ADRA1A: variants seen among roughly 807,000 people sequenced by gnomAD.
ADRA1A encodes alpha-1A adrenergic receptor.
Under a neutral mutation model 29.6 loss-of-function variants are expected in ADRA1A, and 31 were observed. That is an observed-to-expected ratio of 1.05 (90% CI 0.79 to 1.41). The LOEUF (loss-of-function observed/expected upper bound fraction) is 1.41. ADRA1A is among the 40% of genes most tolerant of loss of function. The pLI, the probability that ADRA1A is intolerant of heterozygous loss-of-function variation, is 0.00. For missense variants in ADRA1A, 619 were observed against 601.1 expected (o/e 1.03, Z -0.31); for synonymous variants, 311 against 254.3 (o/e 1.22, Z -2.12).
At chr8:26,781,978 C>T (rs1315778360) in intron 2 of ADRA1A, among the ~76,000 whole-genome samples, 1 of 152,216 alleles carries the variant, frequency 6.6e-6, no homozygotes, top group East Asian at 1.9e-4. Flanking sequence ...TTTTTGCTTC[C>T]GGACTGCTGC....
intron 2 of ADRA1A, among the ~76,000 whole-genome samples, chr8:26,834,128 T>A: frequency 6.6e-6 from 1 of 152,192 alleles, no homozygotes; most frequent in East Asian, 1.9e-4. Context: ...AATTAGAATG[T>A]AAATATTCTA....
intron 2 of ADRA1A, among the ~76,000 whole-genome samples, chr8:26,822,551 G>A (rs72609966): frequency 1.3e-5 from 2 of 152,058 alleles, no homozygotes; most frequent in Non-Finnish European, 2.9e-5. Flanking sequence ...TCCTCACAAG[G>A]TTGATGCAGA....
At chr8:26,799,223 G>T (rs998918322) in intron 2 of ADRA1A, among the ~76,000 whole-genome samples, 1 of 152,132 alleles carries the variant, frequency 6.6e-6, no homozygotes, top group Non-Finnish European at 1.5e-5. Context: ...AAGCATTTAG[G>T]ATTTTGATCC....
intron 2 of ADRA1A, among the ~76,000 whole-genome samples, chr8:26,857,361 G>A (rs1791249487): frequency 6.6e-6 from 1 of 152,106 alleles, no homozygotes; most frequent in Non-Finnish European, 1.5e-5. Flanking sequence ...TGAAACGCTG[G>A]CTTCTTATCT....
At chr8:26,780,783 C>G (rs1806919274) in intron 2 of ADRA1A, among the ~76,000 whole-genome samples, 1 of 152,150 alleles carries the variant, frequency 6.6e-6, no homozygotes, top group South Asian at 2.1e-4. Flanking sequence ...TCAGCAGTGG[C>G]ATTAGATTCC....
At chr8:26,793,786 G>T (rs1350413079) in intron 2 of ADRA1A, among the ~76,000 whole-genome samples, 2 of 151,810 alleles carry the variant, frequency 1.3e-5, no homozygotes, top group Admixed American at 6.6e-5. Flanking sequence ...GATTATAGAA[G>T]ACACAAAAAT....
At chr8:26,853,627 G>A (rs922490235) in intron 2 of ADRA1A, 1 of 152,080 alleles carries the variant, frequency 6.6e-6, no homozygotes, top group African/African-American at 2.4e-5. Flanking sequence ...AGGAAATGAT[G>A]GATTATTTGA....
chr8:26,848,566 C>T lies in ADRA1A; in HGVS notation c.883+15521G>A, dbSNP rs1249963222. Among the ~76,000 whole-genome samples the T allele has an allele frequency of 6.6e-6, 1 of 152,172 alleles. No homozygotes were observed. The highest frequency in any genetic ancestry group is 1.5e-5 in the Non-Finnish European group (1 of 68,032). On this transcript the variant is annotated intron_variant, in intron 2 of 2. Coordinates refer to ENST00000380573, the MANE Select transcript of ADRA1A (RefSeq NM_000680.4). This position sits in a 1 kb window ranked among gnomAD's most constrained non-coding sequence, Gnocchi z 4.3. ...AGAACCCTGATCTCAGACTTCCAGC[C>T]TCCAGAGCTCTGAGAAATCAATGTC...
In ADRA1A at chr8:26,823,297, G is replaced by A. The variant is rs1187353683; in HGVS notation, c.883+40790C>T. ...TGCCTTCCACACTGTCACGTGCTGG[G>A]GGCTGGGCATGGGCGGTGACTTCCA... On this transcript the variant is annotated intron_variant, in intron 2 of 2. Transcript: ENST00000380573. This position sits in a 1 kb window ranked among gnomAD's most constrained non-coding sequence, Gnocchi z 4.2. Among the ~76,000 whole-genome samples, 1 of 152,114 alleles carries A rather than the reference G, an allele frequency of 6.6e-6. No individual in the cohort carries two copies. The highest frequency in any genetic ancestry group is 1.5e-5 in the Non-Finnish European group (1 of 68,032).
chr8:26,771,989 G>T, intron 2 of ADRA1A: 1 of 153,104 alleles, frequency 6.5e-6, no homozygotes, highest in South Asian at 2.0e-4. Context: ...GGGGCGGGGT[G>T]GGAAGACCTG....
chr8:26,843,030 G>C (rs1811944690), intron 2 of ADRA1A, among the ~76,000 whole-genome samples: 1 of 152,088 alleles, frequency 6.6e-6, no homozygotes, highest in South Asian at 2.1e-4. Context: ...CCCAGTTAAA[G>C]ACTCCTTCCC....
chr8:26,840,394 A>G (rs1300490181), intron 2 of ADRA1A, among the ~76,000 whole-genome samples: 2 of 152,150 alleles, frequency 1.3e-5, no homozygotes, highest in African/African-American at 4.8e-5. Context: ...GAACTTTGTG[A>G]CACAGTCGAG....
Position 26,780,302 on chromosome 8 carries a change from G to A in ADRA1A, c.884-9636C>T, listed in dbSNP as rs138908644. ...GTCTCCAACAAATGCCTATGTTGGA[G>A]GCATTTGTTGTTCCAACAAAGGAAT... On this transcript the variant is annotated intron_variant, in intron 2 of 2. Transcript: ENST00000380573. Among the ~76,000 whole-genome samples the A allele has an allele frequency of 2.2e-3, 332 of 152,232 alleles. 4 individuals carry two copies. Among genetic ancestry groups the A allele is most frequent in the African/African-American group, 6.8e-3 (283 of 41,534 alleles).
chr8:26,807,327 C>G (rs1201880471), intron 2 of ADRA1A, among the ~76,000 whole-genome samples: 1 of 152,164 alleles, frequency 6.6e-6, no homozygotes, highest in East Asian at 1.9e-4. Flanking sequence ...GTACAAGAAT[C>G]AAGAAGGGTG....
intron 2 of ADRA1A, among the ~76,000 whole-genome samples, chr8:26,774,802 G>A (rs1806426286): frequency 6.6e-6 from 1 of 152,146 alleles, no homozygotes; most frequent in South Asian, 2.1e-4. Context: ...GAAAGCAGCT[G>A]CATGGCCCCA....
chr8:26,752,783 C>A (rs1365662479), downstream of ADRA1A, among the ~76,000 whole-genome samples: 1 of 152,152 alleles, frequency 6.6e-6, no homozygotes, highest in Non-Finnish European at 1.5e-5. Flanking sequence ...GCCACAAAAA[C>A]CCCCTAGCAA....
downstream of ADRA1A, among the ~76,000 whole-genome samples, chr8:26,762,640 C>G (rs1336215613): frequency 2.1e-4 from 32 of 152,072 alleles, no homozygotes; most frequent in Admixed American, 2.0e-3. This position sits in a 1 kb window ranked among gnomAD's most constrained non-coding sequence, Gnocchi z 4.0. Flanking sequence ...GGCACAGGAC[C>G]AAGACCAAAC....
chr8:26,765,716 G>A (rs538103226), downstream of ADRA1A: 10 of 909,608 alleles, frequency 1.1e-5, no homozygotes, highest in African/African-American at 1.8e-4. Context: ...CTTTGCTAAT[G>A]AGCAGAGCTC....
chr8:26,770,213 T>A lies in ADRA1A; in HGVS notation c.1337A>T (p.Asn446Ile), dbSNP rs1406020875. Residue 446 changes from asparagine (N) to isoleucine (I), a missense_variant, in exon 3 of 3, where the codon AAC becomes ATC. Asn to Ile is a moderately radical substitution (Grantham distance 149, BLOSUM62 -3). Transcript: ENST00000380573. ...GACCTTAATGGTTGGAACTTGATGGTTCTTGTCAAGGCTGGGGGTTGAGGG... is the reference window on the plus strand; with the variant it reads ...GACCTTAATGGTTGGAACTTGATGGATCTTGTCAAGGCTGGGGGTTGAGGG... Reference protein sequence around the residue: ...VGPSTPSLDKNHQVPTIKVHT... With the variant: ...VGPSTPSLDKIHQVPTIKVHT... 3.1e-6 allele frequency: 5 copies of A among 1,604,006 alleles called. No individual in the cohort carries two copies. Among genetic ancestry groups the A allele is most frequent in the Non-Finnish European group, 4.3e-6 (5 of 1,174,492 alleles).
Sources: allele counts gnomAD v4.1 joint callset (sites outside exome capture counted in the v4.1 genomes callset), GRCh38; gene constraint gnomAD v4.1.1; non-coding constraint Gnocchi (gnomAD v3.1); transcripts MANE v1.5; gene names NCBI Gene and HGNC (gene_info 2026-07-23, HGNC 2026-07-21).